Variants in SGCZ observed in about 807,000 individuals in gnomAD.
SGCZ encodes the protein sarcoglycan zeta.
A neutral mutation model predicts 41.3 loss-of-function variants in SGCZ; 40 were observed. That is an observed-to-expected ratio of 0.97 (90% CI 0.75 to 1.26). SGCZ has a LOEUF of 1.26. Ranked by LOEUF, SGCZ falls within the 50% of genes most tolerant of loss-of-function variation. SGCZ has a pLI of 0.00. For synonymous variants in SGCZ, 206 were observed against 137.5 expected, an observed-to-expected ratio of 1.50 and a Z score of -3.49; for missense variants, 552 against 369.8, an observed-to-expected ratio of 1.49 and a Z score of -4.04.
chr8:14,301,121 G>C (rs571572029), intron 3 of SGCZ, among the ~76,000 whole-genome samples: 64 of 151,516 alleles, frequency 4.2e-4, no homozygotes, highest in African/African-American at 1.5e-3. Context: ...TCTCATCCTT[G>C]TCACCTATTT....
chr8:14,400,032 A>T (rs564044029), intron 2 of SGCZ, among the ~76,000 whole-genome samples: 1 of 152,020 alleles, frequency 6.6e-6, no homozygotes, highest in African/African-American at 2.4e-5. Flanking sequence ...CCTTCCCCCA[A>T]TAAGCCCTAG....
intron 1 of SGCZ, among the ~76,000 whole-genome samples, chr8:15,027,005 A>C (rs1161137576): frequency 6.6e-6 from 1 of 152,188 alleles, no homozygotes; most frequent in African/African-American, 2.4e-5. Flanking sequence ...CAATGACAGA[A>C]TCATGAATGA....
rs147200887 is a variant in SGCZ at position 14,547,282 on chromosome 8, T to G, written c.234+7450A>C. ...CAAGATGTTTCAAAAGAAGATTAGC[T>G]CGCTCTGACAAATAAGCTCCCTCAT... On this transcript the variant is annotated intron_variant, in intron 2 of 7. Transcript: ENST00000382080. 6.0e-3 allele frequency among the ~76,000 whole-genome samples: 921 copies of G among 152,274 alleles called. 8 individuals are homozygous for G. Among genetic ancestry groups the G allele is most frequent in the African/African-American group, 0.021 (888 of 41,560 alleles).
intron 1 of SGCZ, among the ~76,000 whole-genome samples, chr8:14,891,366 G>A (rs933886620): frequency 2.6e-5 from 4 of 152,206 alleles, no homozygotes; most frequent in Non-Finnish European, 4.4e-5. Flanking sequence ...AGTCATGGAC[G>A]ACTTTGAGAG....
intron 2 of SGCZ, among the ~76,000 whole-genome samples, chr8:14,329,973 A>C (rs1023316694): frequency 5.3e-5 from 8 of 152,064 alleles, no homozygotes; most frequent in Admixed American, 2.0e-4. Context: ...TGATCCATGC[A>C]TTCTAGCTGC....
intron 1 of SGCZ, among the ~76,000 whole-genome samples, chr8:14,777,840 G>T (rs1161432617): frequency 6.7e-6 from 1 of 149,348 alleles, no homozygotes; most frequent in African/African-American, 2.5e-5. Flanking sequence ...CTGAGTGAAG[G>T]ATATACAGAA....
chr8:14,373,773 G>A (rs537733963), intron 2 of SGCZ, among the ~76,000 whole-genome samples: 70 of 152,124 alleles, frequency 4.6e-4, no homozygotes, highest in African/African-American at 1.6e-3. Flanking sequence ...GTAGGTTTAC[G>A]GAAATCTTTC....
intron 1 of SGCZ, among the ~76,000 whole-genome samples, chr8:15,220,507 C>A (rs1046813288): frequency 2.0e-5 from 3 of 151,990 alleles, no homozygotes; most frequent in Admixed American, 6.6e-5. Context: ...ATAAGAGGAT[C>A]CTGAAGCATC....
intron 3 of SGCZ, among the ~76,000 whole-genome samples, chr8:14,242,231 G>A (rs574716590): frequency 8.0e-4 from 122 of 152,294 alleles, no homozygotes; most frequent in African/African-American, 2.7e-3. Flanking sequence ...ATTCTCTCCA[G>A]TTTAACTATT....
At chr8:15,045,822 C>T (rs1164010381) in intron 1 of SGCZ, among the ~76,000 whole-genome samples, 1 of 151,940 alleles carries the variant, frequency 6.6e-6, no homozygotes, top group Non-Finnish European at 1.5e-5. Flanking sequence ...AGACACCATC[C>T]AATCAAACAG....
chr8:14,945,092 A>C (rs1162519342), intron 1 of SGCZ, among the ~76,000 whole-genome samples: 2 of 143,414 alleles, frequency 1.4e-5, no homozygotes, highest in East Asian at 4.3e-4. Flanking sequence ...CAACATGCAC[A>C]AGGAAACCCC....
At chr8:14,419,870 C>T (rs551421472) in intron 2 of SGCZ, among the ~76,000 whole-genome samples, 30 of 151,960 alleles carry the variant, frequency 2.0e-4, no homozygotes, top group Non-Finnish European at 3.8e-4. Context: ...ATCTTTATGC[C>T]GAAATTATTA....
intron 1 of SGCZ, among the ~76,000 whole-genome samples, chr8:14,718,023 T>C (rs1416627279): frequency 8.6e-6 from 1 of 116,892 alleles, no homozygotes; most frequent in Non-Finnish European, 1.7e-5. Flanking sequence ...AATATGGCTC[T>C]TAGCATTTAA....
intron 1 of SGCZ, among the ~76,000 whole-genome samples, chr8:15,144,440 A>G (rs1255921152): frequency 1.3e-5 from 2 of 150,652 alleles, no homozygotes; most frequent in East Asian, 1.9e-4. Context: ...GTAGTTCTAT[A>G]CAGTTTGTTG....
chr8:15,168,337 A>G (rs942889788), intron 1 of SGCZ, among the ~76,000 whole-genome samples: 6 of 152,194 alleles, frequency 3.9e-5, no homozygotes, highest in African/African-American at 1.2e-4. Context: ...TCATGGGTAA[A>G]GACCAAATTA....
At chr8:14,642,413 T>C (rs898832292) in intron 1 of SGCZ, among the ~76,000 whole-genome samples, 2 of 151,608 alleles carry the variant, frequency 1.3e-5, no homozygotes, top group Non-Finnish European at 3.0e-5. Flanking sequence ...TCTTTCCTTA[T>C]TGATGATTTG....
At chr8:14,650,967 A>G (rs560917873) in intron 1 of SGCZ, among the ~76,000 whole-genome samples, 4 of 152,194 alleles carry the variant, frequency 2.6e-5, no homozygotes, top group Middle Eastern at 3.4e-3. Context: ...TGTCTTATAC[A>G]TTTTCTTAAA....
chr8:14,652,357 T>TG (rs140665154), intron 1 of SGCZ, among the ~76,000 whole-genome samples: 13,168 of 59,478 alleles, frequency 0.22, 1,524 homozygotes, highest in Non-Finnish European at 0.28. Flanking sequence ...GGGGGGGGTG[T>TG]GGGGGGGAGA....
chr8:14,204,819 G>A (rs1274215404), intron 4 of SGCZ, among the ~76,000 whole-genome samples: 3 of 152,066 alleles, frequency 2.0e-5, no homozygotes, highest in Admixed American at 6.6e-5. Context: ...ACCAGTTCAC[G>A]CTATCTTCAC....
Sources: gnomAD v4.1 joint callset for allele counts (sites outside exome capture counted in the v4.1 genomes callset) on GRCh38, gnomAD v4.1.1 for gene constraint, MANE v1.5 for transcripts, NCBI Gene and HGNC (gene_info 2026-07-23, HGNC 2026-07-21) for gene names.